SLC28A1: variants seen among roughly 807,000 people sequenced by gnomAD.
SLC28A1 encodes the protein solute carrier family 28 member 1.
Under a neutral mutation model 74.8 loss-of-function variants are expected in SLC28A1, and 64 were observed. The ratio of observed to expected loss-of-function variants is 0.86; its 90% CI spans 0.70 to 1.05. SLC28A1 has a LOEUF of 1.05. SLC28A1 is among the 50% of genes least tolerant of loss of function. The pLI, the probability that SLC28A1 is intolerant of heterozygous loss-of-function variation, is 0.00. For synonymous variants in SLC28A1, 359 were observed against 335.0 expected (o/e 1.07, Z -0.78); for missense variants, 828 against 822.8 (o/e 1.01, Z -0.08).
chr15:84,895,400 G>A (rs1965879848), intron 6 of SLC28A1: 2 of 1,614,056 alleles, frequency 1.2e-6, no homozygotes, highest in Middle Eastern at 1.7e-4. Flanking sequence ...ATGGAGCAAG[G>A]AGGGCCCGAA....
downstream of SLC28A1, among the ~76,000 whole-genome samples, chr15:84,946,785 C>T (rs184297157): frequency 5.3e-5 from 8 of 152,292 alleles, no homozygotes; most frequent in Non-Finnish European, 1.2e-4. Context: ...ATGTCCCTCC[C>T]CTGCCTTCAT....
At chr15:84,895,288 A>G in intron 6 of SLC28A1, 165 bp downstream of exon 6, 7 of 1,584,628 alleles carry the variant, frequency 4.4e-6, no homozygotes, top group South Asian at 1.1e-5. Flanking sequence ...ACAAAGCAGC[A>G]TCTTTGTGGT....
intron 1 of SLC28A1, among the ~76,000 whole-genome samples, chr15:84,885,731 C>CAG (rs1755449375): frequency 9.6e-6 from 1 of 104,382 alleles, no homozygotes; most frequent in Non-Finnish European, 1.9e-5. Context: ...AACTCCGTCT[C>CAG]AAAAAAAAAA....
chr15:84,929,730 C>G (rs1042418645), intron 12 of SLC28A1, among the ~76,000 whole-genome samples: 1 of 152,144 alleles, frequency 6.6e-6, no homozygotes, highest in Non-Finnish European at 1.5e-5. Context: ...GGCATGGTGG[C>G]ACACATCTAT....
At chr15:84,952,049 C>T in the SLC28A1 span, among the ~76,000 whole-genome samples, 2 of 152,140 alleles carry the variant, frequency 1.3e-5, no homozygotes, top group African/African-American at 2.4e-5. Context: ...TGACCTGATC[C>T]ACTGGTAAGT....
Position 84,896,706 on chromosome 15 carries a change from G to C in SLC28A1, c.461+1583G>C, listed in dbSNP as rs562529513. Among the ~76,000 whole-genome samples, 3 of 152,200 alleles carry C rather than the reference G, an allele frequency of 2.0e-5. No individual in the cohort carries two copies. The East Asian group carries it at 5.8e-4, about 29-fold the overall frequency. ...GGGCGCCTGTAATCCCAGCTACTCT[G>C]TAGTGAAAACTACCCATATGTCTAT... On this transcript the variant is annotated intron_variant, in intron 6 of 18. Coordinates refer to ENST00000394573, the MANE Select transcript of SLC28A1 (RefSeq NM_004213.5).
At chr15:84,941,211 GTT>G in intron 15 of SLC28A1, 4 of 144,938 alleles carry the variant, frequency 2.8e-5, no homozygotes, top group Non-Finnish European at 4.6e-5. Context: ...TTTGGGATTT[GTT>G]TTTTTTTTTT....
chr15:84,903,999 C>A (rs1966851652), intron 6 of SLC28A1, 98 bp from the exon 7 acceptor site: 1 of 1,525,406 alleles, frequency 6.6e-7, no homozygotes, highest in Non-Finnish European at 9.1e-7. Context: ...CTCCTCCCAG[C>A]CCTGAGCACC....
chr15:84,894,730 A>T (rs1338520890), intron 5 of SLC28A1, among the ~76,000 whole-genome samples: 1 of 152,180 alleles, frequency 6.6e-6, no homozygotes, highest in Non-Finnish European at 1.5e-5. Context: ...GCCCTTTCAC[A>T]ACACTTTCTG....
the SLC28A1 span, among the ~76,000 whole-genome samples, chr15:84,968,389 C>T: frequency 5.3e-5 from 8 of 152,226 alleles, no homozygotes; most frequent in Non-Finnish European, 1.5e-5. Context: ...GGAAGATCTA[C>T]TTCCAAGATG....
chr15:84,933,507 T>C (rs1971547243), intron 13 of SLC28A1, among the ~76,000 whole-genome samples: 1 of 152,152 alleles, frequency 6.6e-6, no homozygotes, highest in Non-Finnish European at 1.5e-5. Context: ...TTTCTTACAG[T>C]TATGGAGGCT....
At chr15:84,922,196 T>C (rs1006725323) in intron 11 of SLC28A1, among the ~76,000 whole-genome samples, 2 of 152,088 alleles carry the variant, frequency 1.3e-5, no homozygotes. Flanking sequence ...TTTAAACACT[T>C]TAAATGTCTC....
At chr15:84,938,034 T>C (rs1972152420) in intron 15 of SLC28A1, among the ~76,000 whole-genome samples, 1 of 152,096 alleles carries the variant, frequency 6.6e-6, no homozygotes, top group South Asian at 2.1e-4. Flanking sequence ...ACCCCGTCTC[T>C]ACTAAAACTA....
chr15:84,970,867 C>T, the SLC28A1 span, among the ~76,000 whole-genome samples: 1 of 151,872 alleles, frequency 6.6e-6, no homozygotes, highest in East Asian at 1.9e-4. Context: ...CAAAACAAAA[C>T]AAAAAAATAT....
At chr15:84,889,511 G>A (rs1446715723) in intron 4 of SLC28A1, among the ~76,000 whole-genome samples, 1 of 152,102 alleles carries the variant, frequency 6.6e-6, no homozygotes, top group East Asian at 1.9e-4. Flanking sequence ...AGGAGGTGAG[G>A]CTCCTTAAAA....
chr15:84,973,594 G>T, the SLC28A1 span, among the ~76,000 whole-genome samples: 2 of 152,168 alleles, frequency 1.3e-5, no homozygotes, highest in African/African-American at 4.8e-5. Context: ...TCAGTTCAGG[G>T]AAGTGCTCTT....
chr15:84,887,495 G>A, intron 2 of SLC28A1: 1 of 982,010 alleles, frequency 1.0e-6, no homozygotes, highest in Non-Finnish European at 1.2e-6. Context: ...GCCAGCCTGT[G>A]CAACACAGGG....
At chr15:84,974,977 G>C in the SLC28A1 span, among the ~76,000 whole-genome samples, 1 of 152,108 alleles carries the variant, frequency 6.6e-6, no homozygotes, top group Non-Finnish European at 1.5e-5. Flanking sequence ...GGATAGTGAT[G>C]GGGTGATCTC....
the SLC28A1 span, among the ~76,000 whole-genome samples, chr15:84,952,252 A>C: frequency 6.6e-6 from 1 of 152,214 alleles, no homozygotes; most frequent in Non-Finnish European, 1.5e-5. Context: ...TGCTTGGAGC[A>C]GTTTTCTCAT....
Sources: allele counts gnomAD v4.1 joint callset (sites outside exome capture counted in the v4.1 genomes callset), GRCh38; gene constraint gnomAD v4.1.1; transcripts MANE v1.5; gene names NCBI Gene and HGNC (gene_info 2026-07-23, HGNC 2026-07-21).